SI: variants seen among roughly 807,000 people sequenced by gnomAD.
SI encodes sucrase-isomaltase, intestinal.
A neutral mutation model predicts 253.3 loss-of-function variants in SI; 235 were observed. That is an observed-to-expected ratio of 0.93 (90% CI 0.83 to 1.03). SI has a LOEUF of 1.03. Ranked by LOEUF, SI falls within the 50% of genes least tolerant of loss-of-function variation. SI has a pLI of 0.00. For synonymous variants in SI, 819 were observed against 712.0 expected (o/e 1.15, Z -2.39); for missense variants, 2,442 against 2,211.1 (o/e 1.10, Z -2.09).
chr3:165,002,660 A>T (rs1318960480), intron 37 of SI, among the ~76,000 whole-genome samples: 3 of 151,772 alleles, frequency 2.0e-5, no homozygotes, highest in Admixed American at 6.6e-5. Context: ...CTTAAATGTA[A>T]CATGTACCTT....
chr3:165,008,057 A>C, intron 35 of SI, 59 bp from the exon 36 acceptor site: 1 of 898,368 alleles, frequency 1.1e-6, no homozygotes, highest in East Asian at 2.5e-5. Context: ...ATATATTCTC[A>C]AAAGAGCTAG....
rs566870914 is a variant in SI, at chr3:165,049,165, A to G, written c.1677T>C (p.His559=). The change falls in exon 15 of 48, where the codon CAT becomes CAC. Residue 559 remains histidine (H), a synonymous_variant. Transcript: ENST00000264382. ...VQNWGKQYDV[H]SLYGYSMAIA... ...TAGCCATGCTGTATCCATAGAGGCT[A>G]TGAACATCATACTGTTTACCCCAGT... 14 of 1,610,472 alleles carry G rather than the reference A, an allele frequency of 8.7e-6. No homozygotes were observed. In the South Asian group the frequency reaches 1.3e-4, roughly 15 times the overall value.
intron 23 of SI, among the ~76,000 whole-genome samples, chr3:165,032,980 G>T (rs1712330908): frequency 6.6e-6 from 1 of 151,284 alleles, no homozygotes; most frequent in Non-Finnish European, 1.5e-5. Context: ...TGCTAAAGAA[G>T]AATGTATGAA....
intron 25 of SI, among the ~76,000 whole-genome samples, chr3:165,025,014 G>T (rs949382389): frequency 6.6e-6 from 1 of 151,134 alleles, no homozygotes; most frequent in African/African-American, 2.4e-5. Flanking sequence ...TAAATGCTTT[G>T]TTCAATTGGC....
intron 45 of SI, among the ~76,000 whole-genome samples, chr3:164,983,305 A>G (rs60195658): frequency 0.048 from 7,339 of 152,208 alleles, 602 homozygotes; most frequent in African/African-American, 0.17. Flanking sequence ...TAATGATAAA[A>G]CAGTAACAGG....
chr3:165,038,005 C>T lies in SI; in HGVS notation c.2321G>A (p.Arg774Lys), dbSNP rs143885457. The change falls in exon 21 of 48, where the codon AGG (arginine) becomes AAG (lysine). Residue 774 changes from arginine to lysine, a missense_variant. Transcript: ENST00000264382. Reference sequence around the variant, plus strand: ...AAGATACATATCAACCCGTTGTTTCCTCCATGGCCTTTTTGCACCCTAATA... The same window carrying T: ...AAGATACATATCAACCCGTTGTTTCTTCCATGGCCTTTTTGCACCCTAATA... ...DYESGAKRPW[R>K]KQRVDMYLPA... The T allele has an allele frequency of 1.5e-4, 238 of 1,599,048 alleles. No individual in the cohort carries two copies. The African/African-American group carries it at 2.8e-3, about 19-fold the overall frequency.
rs993649502 is a variant in SI at position 165,017,426 on chromosome 3, G to A, written c.3759+122C>T. On this transcript the variant is annotated intron_variant, in intron 31 of 47. Transcript: ENST00000264382. ...ATAAATCTCATATCCAATACATAAG[G>A]TGCCAGTAAAAAAAGCTAAGCATTA... is the stretch of plus-strand genomic sequence containing the variant. The A allele has an allele frequency of 4.1e-5, 34 of 824,738 alleles. No individual in the cohort carries two copies. The African/African-American group carries it at 5.3e-4, about 13-fold the overall frequency. 51.1% of individuals were successfully genotyped at this position (824,738 alleles called of 1,614,324 possible).
At chr3:165,001,105 T>C (rs1452967389) in intron 37 of SI, among the ~76,000 whole-genome samples, 3 of 151,474 alleles carry the variant, frequency 2.0e-5, no homozygotes, top group African/African-American at 7.2e-5. Flanking sequence ...TTAGTCATAG[T>C]TTCTAAAAGA....
chr3:164,995,913 C>T (rs1275651057), intron 40 of SI, among the ~76,000 whole-genome samples: 1 of 151,686 alleles, frequency 6.6e-6, no homozygotes, highest in African/African-American at 2.4e-5. Context: ...AATAATGAAT[C>T]TCTCCCCAAG....
In SI at chr3:165,065,382, A is replaced by T. The variant is rs1178804798; in HGVS notation, c.686T>A (p.Ile229Asn). 10 of 1,585,446 alleles carry T rather than the reference A, an allele frequency of 6.3e-6. No individual in the cohort carries two copies. Among genetic ancestry groups the T allele is most frequent in the Middle Eastern group, 1.7e-4 (1 of 5,882 alleles). ...ATAATCACTTGGAAGACGGGTTGAG[A>T]TCTGTAAGTACTGGTCAGAGTACAC... ...PLVYSDQYLQ[I>N]STRLPSDYIY... The change falls in exon 7 of 48, where the codon ATC (isoleucine) becomes AAC (asparagine). Residue 229 changes from isoleucine to asparagine, a missense_variant. Transcript: ENST00000264382.
At chr3:164,991,726 G>T (rs1478292437) in intron 43 of SI, among the ~76,000 whole-genome samples, 1 of 151,932 alleles carries the variant, frequency 6.6e-6, no homozygotes, top group Non-Finnish European at 1.5e-5. Flanking sequence ...CATATCTTTA[G>T]AATCTAGTTA....
intron 34 of SI, among the ~76,000 whole-genome samples, chr3:165,011,457 G>A (rs191051143): frequency 6.6e-6 from 1 of 152,010 alleles, no homozygotes; most frequent in East Asian, 1.9e-4. Context: ...TTTCATTGTG[G>A]CTGGGAAAGA....
chr3:165,031,411 G>C (rs1712237468), intron 24 of SI, among the ~76,000 whole-genome samples: 1 of 148,210 alleles, frequency 6.7e-6, no homozygotes, highest in Non-Finnish European at 1.5e-5. Context: ...GCCACAGATA[G>C]ACCTTTATAT....
At chr3:165,062,186 T>C (rs1714016330) in intron 9 of SI, among the ~76,000 whole-genome samples, 185 bp downstream of exon 9, 1 of 151,702 alleles carries the variant, frequency 6.6e-6, no homozygotes, top group Admixed American at 6.6e-5. Flanking sequence ...TACTTGAGTA[T>C]ATGTAGAGTT....
intron 28 of SI, among the ~76,000 whole-genome samples, chr3:165,018,388 T>C (rs1719146208): frequency 6.6e-6 from 1 of 151,000 alleles, no homozygotes; most frequent in Non-Finnish European, 1.5e-5. Flanking sequence ...CATAGAATAC[T>C]ATTGCCATTA....
chr3:164,980,938 C>T (rs191057805), intron 47 of SI, among the ~76,000 whole-genome samples: 26 of 151,744 alleles, frequency 1.7e-4, no homozygotes, highest in Admixed American at 4.0e-4. Flanking sequence ...AACATTGGAC[C>T]GTGCAAAAAA....
intron 37 of SI, among the ~76,000 whole-genome samples, chr3:165,000,689 T>C (rs1718218131): frequency 6.6e-6 from 1 of 151,482 alleles, no homozygotes; most frequent in Non-Finnish European, 1.5e-5. Flanking sequence ...AATATGTATT[T>C]GACGCCACTA....
chr3:165,019,683 A>C lies in SI; in HGVS notation c.3342T>G (p.Phe1114Leu), dbSNP rs759562735. 1.2e-6 allele frequency: 2 copies of C among 1,612,690 alleles called. No homozygotes were observed. The highest frequency in any genetic ancestry group is 1.1e-5 in the South Asian group (1 of 91,070). ...TRLPSEYIYG[F>L]GEVEHTAFKR... The stretch of plus-strand genomic sequence containing the variant: ...TAAATGCTGTATGTTCCACTTCCCC[A>C]AAACCATATATATATTCTGATGGCA... The change falls in exon 28 of 48, where the codon TTT becomes TTG. Residue 1114 changes from phenylalanine (F) to leucine (L), a missense_variant. By Grantham distance (22) the Phe-to-Leu change is conservative. Coordinates refer to ENST00000264382, the MANE Select transcript of SI (RefSeq NM_001041.4).
In SI at chr3:165,018,917, A is replaced by G. The variant is rs1159186515; in HGVS notation, c.3423+685T>C. On this transcript the variant is annotated intron_variant, in intron 28 of 47. Coordinates refer to ENST00000264382, the MANE Select transcript of SI (RefSeq NM_001041.4). ...GAGCACCTAACAATAAAAAATGCTT[A>G]CAATAGTTCACAGACTTATAGTATG... Among the ~76,000 whole-genome samples, 3 of 151,944 alleles carry G rather than the reference A, an allele frequency of 2.0e-5. No homozygotes were observed. The East Asian group carries it at 5.8e-4, about 29-fold the overall frequency.
Sources: gnomAD v4.1 joint callset for allele counts (sites outside exome capture counted in the v4.1 genomes callset) on GRCh38, gnomAD v4.1.1 for gene constraint, MANE v1.5 for transcripts, NCBI Gene and HGNC (gene_info 2026-07-23, HGNC 2026-07-21) for gene names.